The following RAB2A variants were observed in gnomAD, a reference collection of about 807,000 sequenced individuals.
RAB2A encodes the protein RAB2A, member RAS oncogene family, also known as ras-related protein Rab-2A.
In RAB2A, 7 loss-of-function variants were observed where a neutral mutation model predicts 32.5. The observed-to-expected ratio is 0.22, with a 90% confidence interval of 0.12 to 0.40. The LOEUF (loss-of-function observed/expected upper bound fraction) is 0.40, where lower values mean the gene tolerates loss of function less well. RAB2A is among the 10% of genes least tolerant of loss of function. The pLI, the probability that RAB2A is intolerant of heterozygous loss-of-function variation, is 1.00. For missense variants in RAB2A, 108 were observed against 260.7 expected, an observed-to-expected ratio of 0.41 and a Z score of 4.03; for synonymous variants, 79 against 85.2, an observed-to-expected ratio of 0.93 and a Z score of 0.40.
intron 1 of RAB2A, among the ~76,000 whole-genome samples, chr8:60,532,429 T>G (rs1162085742): frequency 6.6e-6 from 1 of 152,212 alleles, no homozygotes; most frequent in Non-Finnish European, 1.5e-5. Flanking sequence ...GAGTCACCAG[T>G]CCTCTATGTA....
At chr8:60,580,349 C>T (rs569153044) in intron 3 of RAB2A, among the ~76,000 whole-genome samples, 10 of 151,986 alleles carry the variant, frequency 6.6e-5, no homozygotes, top group Non-Finnish European at 1.2e-4. Context: ...AGGTAGTTAA[C>T]CTTTGGGCTA....
In RAB2A at chr8:60,557,712, C is replaced by T. The variant is rs748920674; in HGVS notation, c.47-1140C>T. Among the ~76,000 whole-genome samples, 6 of 151,348 alleles carry T rather than the reference C, an allele frequency of 4.0e-5. No individual in the cohort carries two copies. The South Asian group carries it at 6.3e-4, about 16-fold the overall frequency. The stretch of plus-strand genomic sequence containing the variant: ...TCTCAAGTAACTGGAACTACAGATG[C>T]GCACCACCACACCCATCTTTTTTTT... On this transcript the variant is annotated intron_variant, in intron 1 of 7. Coordinates refer to ENST00000262646, the MANE Select transcript of RAB2A (RefSeq NM_002865.3).
At chr8:60,614,792 A>G (rs1266029604) in intron 6 of RAB2A, among the ~76,000 whole-genome samples, 1 of 152,182 alleles carries the variant, frequency 6.6e-6, no homozygotes, top group East Asian at 1.9e-4. Flanking sequence ...AAAGCAAGAG[A>G]ATGAATGGCT....
intron 3 of RAB2A, among the ~76,000 whole-genome samples, chr8:60,578,678 A>G (rs1259308252): frequency 1.3e-5 from 2 of 152,218 alleles, no homozygotes; most frequent in Non-Finnish European, 2.9e-5. Context: ...CTTAATATGT[A>G]TAAAGTTATA....
intron 5 of RAB2A, chr8:60,591,602 C>A: frequency 3.5e-6 from 1 of 285,272 alleles, no homozygotes; most frequent in Non-Finnish European, 6.8e-6. Flanking sequence ...CTAGAGGCTC[C>A]CTTAAGTTAC....
In RAB2A at chr8:60,616,239, G is replaced by A. The variant is rs546922704; in HGVS notation, c.475-2341G>A. Among the ~76,000 whole-genome samples the A allele has an allele frequency of 3.9e-5, 6 of 152,218 alleles. No homozygotes were observed. The East Asian group carries it at 1.2e-3, about 29-fold the overall frequency. On this transcript the variant is annotated intron_variant, in intron 6 of 7. Coordinates refer to ENST00000262646, the MANE Select transcript of RAB2A (RefSeq NM_002865.3). ...ATTTTATGTAGCATCACTTTCTTAA[G>A]CCTGTTTTTAAAGTGATTTATTACC...
chr8:60,526,301 T>A (rs1021753547), intron 1 of RAB2A, among the ~76,000 whole-genome samples: 6 of 152,002 alleles, frequency 3.9e-5, no homozygotes, highest in Admixed American at 2.6e-4. Context: ...TCTGAGAGCT[T>A]TTCCCGACTT....
At chr8:60,555,701 AAAG>A (rs1257844243) in intron 1 of RAB2A, among the ~76,000 whole-genome samples, 1 of 152,208 alleles carries the variant, frequency 6.6e-6, no homozygotes, top group African/African-American at 2.4e-5. Context: ...AAAAGACAAA[AAAG>A]AACATGCTGG....
chr8:60,535,788 T>C (rs535946484), intron 1 of RAB2A, among the ~76,000 whole-genome samples: 1 of 152,356 alleles, frequency 6.6e-6, no homozygotes, highest in African/African-American at 2.4e-5. Context: ...CACTGGCCTC[T>C]ACTGCTCTCT....
Position 60,610,359 on chromosome 8 carries a change from TGTCTCA to T in RAB2A, c.475-8218_475-8213del, listed in dbSNP as rs1804322270. On this transcript the variant is annotated intron_variant, in intron 6 of 7. Coordinates refer to ENST00000262646, the MANE Select transcript of RAB2A (RefSeq NM_002865.3). ...AGTCCCCTTGCTAATACCTGCATTCTGTCTCAGTACTTGAAAGTCTGTAGACTTTAT... is the reference window on the plus strand; with the variant it reads ...AGTCCCCTTGCTAATACCTGCATTCTGTACTTGAAAGTCTGTAGACTTTAT... Among the ~76,000 whole-genome samples the T allele has an allele frequency of 5.9e-5, 9 of 152,358 alleles. No homozygotes were observed. In the South Asian group the frequency reaches 1.9e-3, roughly 32 times the overall value.
intron 1 of RAB2A, among the ~76,000 whole-genome samples, chr8:60,527,632 A>G (rs563659496): frequency 1.1e-4 from 16 of 152,330 alleles, no homozygotes; most frequent in East Asian, 9.6e-4. Context: ...CTCAAAGTCT[A>G]TGATATGAGG....
chr8:60,568,655 G>T (rs375122816), intron 2 of RAB2A, among the ~76,000 whole-genome samples: 2 of 152,164 alleles, frequency 1.3e-5, no homozygotes, highest in African/African-American at 4.8e-5. Context: ...GGATGATAAC[G>T]ATTGGAGACA....
chr8:60,565,489 G>T (rs1586085968), intron 2 of RAB2A, among the ~76,000 whole-genome samples: 1 of 150,616 alleles, frequency 6.6e-6, no homozygotes, highest in Admixed American at 6.6e-5. Context: ...CAAAGTAATA[G>T]AATTGAAGCA....
At chr8:60,572,924 A>G (rs952218926) in intron 3 of RAB2A, among the ~76,000 whole-genome samples, 1 of 152,238 alleles carries the variant, frequency 6.6e-6, no homozygotes, top group African/African-American at 2.4e-5. Flanking sequence ...TGTAATGGAC[A>G]CTGTATTTTT....
At chr8:60,562,112 C>G (rs2130832911) in intron 2 of RAB2A, among the ~76,000 whole-genome samples, 1 of 152,328 alleles carries the variant, frequency 6.6e-6, no homozygotes, top group South Asian at 2.1e-4. Context: ...CTTGACATCT[C>G]TGCTTATTAC....
intron 1 of RAB2A, 134 bp from the exon 2 acceptor site, chr8:60,558,718 A>G (rs1192693768): frequency 2.7e-6 from 2 of 738,014 alleles, no homozygotes; most frequent in East Asian, 2.6e-5. Context: ...GCAAGAAATT[A>G]GAGTACTGAG....
chr8:60,534,833 C>T (rs1022727438), intron 1 of RAB2A, among the ~76,000 whole-genome samples: 1 of 152,140 alleles, frequency 6.6e-6, no homozygotes, highest in Admixed American at 6.5e-5. Context: ...AGCCTTATTC[C>T]CTTCCCCATT....
At chr8:60,531,628 A>G (rs888831349) in intron 1 of RAB2A, among the ~76,000 whole-genome samples, 2 of 152,156 alleles carry the variant, frequency 1.3e-5, no homozygotes, top group African/African-American at 2.4e-5. Flanking sequence ...GTTAACCACA[A>G]AATGGCTCTC....
chr8:60,614,993 C>T (rs1804425215), intron 6 of RAB2A, among the ~76,000 whole-genome samples: 1 of 152,212 alleles, frequency 6.6e-6, no homozygotes, highest in African/African-American at 2.4e-5. Context: ...CGTGGATCTG[C>T]CTAGACATTG....
Sources: allele counts gnomAD v4.1 joint callset (sites outside exome capture counted in the v4.1 genomes callset), GRCh38; gene constraint gnomAD v4.1.1; transcripts MANE v1.5; gene names NCBI Gene and HGNC (gene_info 2026-07-23, HGNC 2026-07-21).